Variants in PHF7 observed in about 807,000 individuals in gnomAD.
The protein encoded by PHF7 is E3 ubiquitin-protein ligase PHF7.
A neutral mutation model predicts 47.5 loss-of-function variants in PHF7; 24 were observed. That is an observed-to-expected ratio of 0.51 (90% CI 0.37 to 0.71). PHF7 has a LOEUF of 0.71. Among genes scored for constraint, PHF7 ranks in the 30% least tolerant of loss-of-function variants. The pLI, the probability that PHF7 is intolerant of heterozygous loss-of-function variation, is 0.00. For synonymous variants in PHF7, 156 were observed against 153.8 expected (o/e 1.01, Z -0.11); for missense variants, 361 against 456.8 (o/e 0.79, Z 1.91).
rs1705750541 is a variant in PHF7 at position 52,420,378 on chromosome 3, T to G, written c.356T>G (p.Phe119Cys). ...CAGAAGGATCAGTGCCTCAGAAACT[T>G]CCATCTGCCTTGTGGCCAAGAAAGG... ...NCQKDQCLRN[F>C]HLPCGQERGC... is the part of the protein sequence containing the mutation. Residue 119 changes from phenylalanine (F) to cysteine (C), a missense_variant, in exon 6 of 11, where the codon TTC becomes TGC. Transcript: ENST00000327906. 6.2e-7 allele frequency: 1 copy of G among 1,613,982 alleles called. No individual in the cohort carries two copies. The highest frequency in any genetic ancestry group is 8.5e-7 in the Non-Finnish European group (1 of 1,179,828).
chr3:52,422,416 TAAG>T, intron 9 of PHF7, 78 bp downstream of exon 9: 1 of 953,152 alleles, frequency 1.0e-6, no homozygotes, highest in Admixed American at 1.7e-5. Flanking sequence ...TTATTAGAAG[TAAG>T]AAATTCACTC....
Position 52,413,990 on chromosome 3 carries a change from G to A in PHF7, c.42-6G>A. On this transcript the variant is annotated splice_polypyrimidine_tract_variant and splice_region_variant and intron_variant, in intron 2 of 10. Transcript: ENST00000327906. The stretch of plus-strand genomic sequence containing the variant: ...ACACCTTGTGCTTCTTATTTCTCTT[G>A]TATAGAAAATCTGCCAAGACTAGGA... 6.3e-7 allele frequency: 1 copy of A among 1,595,836 alleles called. No homozygotes were observed. The highest frequency in any genetic ancestry group is 8.6e-7 in the Non-Finnish European group (1 of 1,163,446).
In PHF7 at chr3:52,423,540, C is replaced by G. The variant is rs1705863286; in HGVS notation, c.*223C>G. On this transcript the variant is annotated 3_prime_UTR_variant, in exon 11 of 11. Transcript: ENST00000327906. ...TACAAGAGTGCCTCTGCTTTCTCCT[C>G]CTCTCCTCCCACCAAGGATTCTTCC... The G allele has an allele frequency of 2.2e-6, 1 of 452,800 alleles. No individual in the cohort carries two copies. The allele number at this position is 452,800 out of a possible 1,614,324, so 28.0% of individuals were successfully genotyped here.
At chr3:52,419,960 T>A in intron 5 of PHF7, 26 bp downstream of exon 5, 1 of 1,350,430 alleles carries the variant, frequency 7.4e-7, no homozygotes, top group South Asian at 1.3e-5. Context: ...AATGAGGACC[T>A]TGGGGTAGGC....
intron 4 of PHF7, among the ~76,000 whole-genome samples, chr3:52,419,278 A>G (rs1376445580): frequency 6.6e-6 from 1 of 152,174 alleles, no homozygotes; most frequent in Non-Finnish European, 1.5e-5. Flanking sequence ...AAATGAGGAC[A>G]ATAATAGTAC....
chr3:52,420,853 G>A, intron 6 of PHF7, 50 bp from the exon 7 acceptor site: 1 of 1,554,468 alleles, frequency 6.4e-7, no homozygotes, highest in East Asian at 2.3e-5. Flanking sequence ...GGGCCATTGG[G>A]AAACTACATC....
chr3:52,420,075 T>C, intron 5 of PHF7, 141 bp downstream of exon 5: 1 of 726,930 alleles, frequency 1.4e-6, no homozygotes, highest in Non-Finnish European at 2.4e-6. Context: ...TTAAGTCCCA[T>C]ATTCCTCTGG....
chr3:52,412,965 GC>G, intron 2 of PHF7, 45 bp downstream of exon 2: 1 of 1,480,914 alleles, frequency 6.8e-7, no homozygotes, highest in Non-Finnish European at 9.4e-7. Flanking sequence ...TTGTCCAATG[GC>G]CTGTGGTATA....
intron 4 of PHF7, among the ~76,000 whole-genome samples, chr3:52,419,596 A>T (rs1417496339): frequency 6.6e-6 from 1 of 151,444 alleles, no homozygotes; most frequent in South Asian, 2.1e-4. Context: ...ACACCCGGCT[A>T]ATTTTTTTGT....
intron 4 of PHF7, among the ~76,000 whole-genome samples, chr3:52,418,392 G>GT (rs1469884424): frequency 5.9e-5 from 9 of 152,062 alleles, no homozygotes; most frequent in South Asian, 2.1e-4. Flanking sequence ...TATAGATATA[G>GT]TTTTTTCTTT....
chr3:52,416,660 C>A (rs1705635161), intron 4 of PHF7, among the ~76,000 whole-genome samples: 1 of 151,258 alleles, frequency 6.6e-6, no homozygotes, highest in African/African-American at 2.4e-5. Context: ...CGGTGAAACC[C>A]TGTGTCTACT....
rs1190557191 is a variant in PHF7 at position 52,423,227 on chromosome 3, A to G, written c.1056A>G (p.Leu352=). The change falls in exon 11 of 11, where the codon TTA becomes TTG. Residue 352 remains leucine, a synonymous_variant. Coordinates refer to ENST00000327906, the MANE Select transcript of PHF7 (RefSeq NM_016483.7). Reference sequence around the variant, plus strand: ...CTGATTGGCCAGAACCTTCCTTATTAGAAAAGCCAGAGTCCTCTCGTGGCA... The same window carrying G: ...CTGATTGGCCAGAACCTTCCTTATTGGAAAAGCCAGAGTCCTCTCGTGGCA... ...SWTDWPEPSL[L]EKPESSRGRR... 2.0e-5 allele frequency: 32 copies of G among 1,613,996 alleles called. No individual in the cohort carries two copies. The highest frequency in any genetic ancestry group is 4.0e-5 in the African/African-American group (3 of 74,918).
In PHF7 at chr3:52,420,300, C is replaced by G. The variant is rs1705747762; in HGVS notation, c.289-11C>G. 6.2e-7 allele frequency: 1 copy of G among 1,613,636 alleles called. No homozygotes were observed. The highest frequency in any genetic ancestry group is 8.5e-7 in the Non-Finnish European group (1 of 1,179,664). On this transcript the variant is annotated splice_polypyrimidine_tract_variant and intron_variant, in intron 5 of 10. Transcript: ENST00000327906. ...TGGGGTCCTGAGCACTGTCTGGGAACTCATTTGCAGATCTGCTTTGTGTGC... is the reference window on the plus strand; with the variant it reads ...TGGGGTCCTGAGCACTGTCTGGGAAGTCATTTGCAGATCTGCTTTGTGTGC...
Position 52,422,289 on chromosome 3 carries a change from G to A in PHF7, c.748G>A (p.Ala250Thr). Residue 250 changes from alanine (A) to threonine (T), a missense_variant, in exon 9 of 11, where the codon GCC becomes ACC. Transcript: ENST00000327906. ...ATATCAGCGCTATCAGCACTGTGAT[G>A]CCCCCATCTGTCTGTATGAACAAGG... ...DLYQRYQHCD[A>T]PICLYEQGRD... 6.2e-7 allele frequency: 1 copy of A among 1,613,988 alleles called. No homozygotes were observed. Among genetic ancestry groups the A allele is most frequent in the Non-Finnish European group, 8.5e-7 (1 of 1,179,836 alleles).
At chr3:52,421,985 TG>T (rs772304285) in intron 8 of PHF7, 1 of 591,782 alleles carries the variant, frequency 1.7e-6, no homozygotes, top group East Asian at 2.8e-5. Flanking sequence ...CAGAATTCCC[TG>T]GGGGGTTGAG....
At chr3:52,416,406 G>A (rs907957069) in intron 4 of PHF7, among the ~76,000 whole-genome samples, 4 of 150,722 alleles carry the variant, frequency 2.7e-5, no homozygotes, top group Non-Finnish European at 4.4e-5. Context: ...GGATGGTCTC[G>A]ATCTCTTGAC....
intron 1 of PHF7, 107 bp downstream of exon 1, chr3:52,411,354 TTCTC>T (rs1467008949): frequency 6.6e-6 from 1 of 152,340 alleles, no homozygotes; most frequent in East Asian, 1.9e-4. Context: ...GGACATGCCC[TTCTC>T]TCTCCTCTTC....
chr3:52,414,728 G>A (rs76765274), intron 4 of PHF7, 141 bp downstream of exon 4: 2 of 476,432 alleles, frequency 4.2e-6, no homozygotes, highest in South Asian at 4.8e-5. Context: ...CTATTTTTAG[G>A]CTGGGTGCAG....
At chr3:52,421,112 G>A in intron 7 of PHF7, 50 bp downstream of exon 7, 2 of 1,506,644 alleles carry the variant, frequency 1.3e-6, no homozygotes, top group Non-Finnish European at 1.8e-6. Flanking sequence ...CTAGTTCTCT[G>A]CCTGGAACCA....
Sources: allele counts gnomAD v4.1 joint callset (sites outside exome capture counted in the v4.1 genomes callset), GRCh38; gene constraint gnomAD v4.1.1; transcripts MANE v1.5; gene names NCBI Gene and HGNC (gene_info 2026-07-23, HGNC 2026-07-21).